SLC4A4: variants seen among roughly 807,000 people sequenced by gnomAD.
The protein encoded by SLC4A4 is solute carrier family 4 member 4, also known as electrogenic sodium bicarbonate cotransporter 1.
SLC4A4 carries 27 observed loss-of-function variants against 111.5 expected under a neutral mutation model. The observed-to-expected ratio is 0.24, with a 90% CI of 0.18 to 0.33. The LOEUF is 0.33. Among genes scored for constraint, SLC4A4 ranks in the 10% least tolerant of loss-of-function variants. SLC4A4 has a pLI of 1.00. For synonymous variants in SLC4A4, 443 were observed against 463.4 expected (o/e 0.96, Z 0.57); for missense variants, 909 against 1,315.5 (o/e 0.69, Z 4.78).
intron 2 of SLC4A4, among the ~76,000 whole-genome samples, chr4:71,181,514 A>G (rs1463324881): frequency 1.3e-5 from 2 of 152,188 alleles, no homozygotes; most frequent in African/African-American, 4.8e-5. Context: ...AAATACACAG[A>G]TAGAGTCCCA....
At chr4:71,385,839 G>C (rs771104805) in intron 6 of SLC4A4, among the ~76,000 whole-genome samples, 1 of 152,024 alleles carries the variant, frequency 6.6e-6, no homozygotes, top group Non-Finnish European at 1.5e-5. Context: ...CCTGCTTTAC[G>C]AGACTGATTG....
At position 71,136,941 on chromosome 4, in the gene SLC4A4, C is replaced by T. The variant is rs1028864439; in HGVS notation, c.-2+44149C>T. On this transcript the variant is annotated intron_variant, in intron 2 of 26. Transcript: ENST00000649996. ...TAGATGAAGAAGCTGAAACTTTTGC[C>T]TAAATCCAAGGTCTATGCTCTTACT... Among the ~76,000 whole-genome samples, 28 of 152,084 alleles carry T rather than the reference C, an allele frequency of 1.8e-4. 1 individual carries two copies. Among genetic ancestry groups the T allele is most frequent in the African/African-American group, 6.5e-4 (27 of 41,408 alleles).
In SLC4A4 at chr4:71,073,299, C is replaced by T. The variant is rs544036693; in HGVS notation, c.-65+10511C>T. Among the ~76,000 whole-genome samples the T allele has an allele frequency of 1.0e-3, 157 of 152,116 alleles. 2 individuals carry two copies. In the South Asian group the frequency reaches 0.012, roughly 12 times the overall value. ...CCAGTTTCATTGGCTACTATCTTTTCCAGAGCAATGTTAGATAATAATGGT... is the reference window on the plus strand; with the variant it reads ...CCAGTTTCATTGGCTACTATCTTTTTCAGAGCAATGTTAGATAATAATGGT... On this transcript the variant is annotated intron_variant, in intron 1 of 26. Transcript: ENST00000649996.
At chr4:71,179,302 G>A (rs916082533) in intron 2 of SLC4A4, among the ~76,000 whole-genome samples, 6 of 152,094 alleles carry the variant, frequency 3.9e-5, no homozygotes, top group African/African-American at 1.2e-4. Context: ...CACAAGACAC[G>A]GATGCCCTCT....
intron 2 of SLC4A4, among the ~76,000 whole-genome samples, chr4:71,129,784 C>CAAAAAAAAAAAAAAAAAAAAAAAA: frequency 2.6e-5 from 2 of 75,582 alleles, no homozygotes; most frequent in Non-Finnish European, 5.1e-5. Flanking sequence ...TACCATGCAC[C>CAAAAAAAAAAAAAAAAAAAAAAAA]AAAAAAAAAA....
chr4:71,451,454 C>T lies in SLC4A4; in HGVS notation c.1322+153C>T, dbSNP rs1725752856. On this transcript the variant is annotated intron_variant, in intron 11 of 25. Coordinates refer to ENST00000264485, the MANE Select transcript of SLC4A4 (RefSeq NM_001098484.3). The stretch of plus-strand genomic sequence containing the variant: ...TTTGTCACAGGCACTGGGAATATAG[C>T]AGTGAATTAAATGATACTGTATTCC... 2.0e-5 allele frequency among the ~76,000 whole-genome samples: 3 copies of T among 152,130 alleles called. No homozygotes were observed. The South Asian group carries it at 6.2e-4, about 31-fold the overall frequency.
intron 3 of SLC4A4, chr4:71,338,934 C>A (rs1031281906): frequency 1.2e-5 from 7 of 607,892 alleles, no homozygotes; most frequent in African/African-American, 3.8e-5. Context: ...GGGTGGGAGG[C>A]GGGGACTTGG....
chr4:71,256,667 A>G (rs903786950), intron 3 of SLC4A4, among the ~76,000 whole-genome samples: 1 of 152,218 alleles, frequency 6.6e-6, no homozygotes, highest in African/African-American at 2.4e-5. Context: ...GATCCTTTAC[A>G]TATCGATTAA....
rs112046748 is a variant in SLC4A4, at chr4:71,124,866, A to G, written c.-2+32074A>G. Among the ~76,000 whole-genome samples the G allele has an allele frequency of 6.2e-3, 946 of 152,290 alleles. 12 individuals are homozygous for G. Among genetic ancestry groups the G allele is most frequent in the African/African-American group, 0.022 (908 of 41,560 alleles). ...AGCCAAACTTTTAGTTCCTATTTCCACACTACGTAAATAATTATATATGTG... is the reference window on the plus strand; with the variant it reads ...AGCCAAACTTTTAGTTCCTATTTCCGCACTACGTAAATAATTATATATGTG... On this transcript the variant is annotated intron_variant, in intron 2 of 26. Transcript: ENST00000649996.
chr4:71,384,345 C>T (rs77114897), intron 6 of SLC4A4, among the ~76,000 whole-genome samples: 1,533 of 152,276 alleles, frequency 0.01, 37 homozygotes, highest in African/African-American at 0.035. Flanking sequence ...GTGAAAGAGG[C>T]ATTATGGGTC....
intron 3 of SLC4A4, among the ~76,000 whole-genome samples, chr4:71,290,090 A>C (rs942878901): frequency 1.3e-5 from 2 of 152,198 alleles, no homozygotes; most frequent in Non-Finnish European, 2.9e-5. Context: ...TTAGGAAAAA[A>C]AATGAGCTCA....
At chr4:71,385,429 C>T (rs1718620757) in intron 6 of SLC4A4, among the ~76,000 whole-genome samples, 1 of 151,532 alleles carries the variant, frequency 6.6e-6, no homozygotes. Flanking sequence ...AACTACTGAC[C>T]TCAGGCAATC....
chr4:71,399,323 T>C (rs1019098786), intron 7 of SLC4A4, among the ~76,000 whole-genome samples: 1 of 152,128 alleles, frequency 6.6e-6, no homozygotes, highest in Non-Finnish European at 1.5e-5. Context: ...ATATTCATGA[T>C]GGTGTTCCTC....
intron 2 of SLC4A4, among the ~76,000 whole-genome samples, chr4:71,179,178 T>A (rs1745199794): frequency 6.6e-6 from 1 of 152,104 alleles, no homozygotes; most frequent in Non-Finnish European, 1.5e-5. Context: ...AAACTCTCAA[T>A]AAATTAGGTA....
chr4:71,223,301 G>C (rs1170892270), intron 1 of SLC4A4, among the ~76,000 whole-genome samples: 1 of 151,456 alleles, frequency 6.6e-6, no homozygotes, highest in Non-Finnish European at 1.5e-5. Flanking sequence ...TCAGCCTCCC[G>C]GGTAGCTGGG....
intron 2 of SLC4A4, among the ~76,000 whole-genome samples, chr4:71,171,367 A>G (rs1744936113): frequency 1.3e-5 from 2 of 152,280 alleles, no homozygotes; most frequent in South Asian, 2.1e-4. Context: ...AAGGCACAGT[A>G]TAGTAGAAAG....
In SLC4A4 at chr4:71,106,750, A is replaced by T. The variant is rs969161451; in HGVS notation, c.-2+13958A>T. Among the ~76,000 whole-genome samples the T allele has an allele frequency of 6.9e-5, 9 of 131,368 alleles. 1 individual carries two copies. The Admixed American group carries it at 7.2e-4, about 10-fold the overall frequency. 86.2% of individuals were successfully genotyped at this position (131,368 alleles called of 152,430 possible). ...AGATCACATGGACACAGGAAGGGGAACATCACACTCTGGGGACTGTTGTGG... is the reference window on the plus strand; with the variant it reads ...AGATCACATGGACACAGGAAGGGGATCATCACACTCTGGGGACTGTTGTGG... On this transcript the variant is annotated intron_variant, in intron 2 of 26. Transcript: ENST00000649996.
chr4:71,256,872 T>C (rs1341544614), intron 3 of SLC4A4, among the ~76,000 whole-genome samples: 1 of 152,228 alleles, frequency 6.6e-6, no homozygotes, highest in African/African-American at 2.4e-5. Context: ...TTGTCTACTC[T>C]CTCTCTTTCT....
At chr4:71,336,257 G>A (rs1000849086) in intron 3 of SLC4A4, among the ~76,000 whole-genome samples, 1 of 152,140 alleles carries the variant, frequency 6.6e-6, no homozygotes, top group Non-Finnish European at 1.5e-5. Flanking sequence ...ATATGTAGAA[G>A]TCCTTGCTTT....
Sources: gnomAD v4.1 joint callset for allele counts (sites outside exome capture counted in the v4.1 genomes callset) on GRCh38, gnomAD v4.1.1 for gene constraint, MANE v1.5 for transcripts, NCBI Gene and HGNC (gene_info 2026-07-23, HGNC 2026-07-21) for gene names.